CCNB3: variants seen among roughly 807,000 people sequenced by gnomAD.
CCNB3 encodes G2/mitotic-specific cyclin-B3.
In CCNB3, 12 loss-of-function variants were observed where a neutral mutation model predicts 68.0. That is an observed-to-expected ratio of 0.18 (90% confidence interval 0.11 to 0.29). The LOEUF (loss-of-function observed/expected upper bound fraction) is 0.29, where lower values mean the gene tolerates loss of function less well. Among genes scored for constraint, CCNB3 ranks in the 10% least tolerant of loss-of-function variants. The pLI is 1.00. For missense variants in CCNB3, 904 were observed against 993.1 expected (o/e 0.91, Z 1.21); for synonymous variants, 354 against 388.9 (o/e 0.91, Z 1.06).
chrX:50,292,576 G>A (rs948351097), intron 4 of CCNB3, among the ~76,000 whole-genome samples: 2 of 110,882 alleles, frequency 1.8e-5, no homozygotes, highest in Non-Finnish European at 3.8e-5. Flanking sequence ...TTTTTGTACT[G>A]TATCATTATT....
chrX:50,207,709 A>G (rs1307049491), intron 1 of CCNB3, among the ~76,000 whole-genome samples: 4 of 111,863 alleles, frequency 3.6e-5, no homozygotes, highest in Non-Finnish European at 7.5e-5. Context: ...GAACTGATAT[A>G]CTTTATTAGC....
intron 1 of CCNB3, among the ~76,000 whole-genome samples, chrX:50,280,334 T>C (rs1936114757): frequency 9.7e-6 from 1 of 103,528 alleles, no homozygotes; most frequent in Admixed American, 1.1e-4. Flanking sequence ...TAAATATACC[T>C]ATATTCTAGT....
intron 1 of CCNB3, among the ~76,000 whole-genome samples, chrX:50,214,475 C>CATAT (rs1184201216): frequency 0.12 from 1,178 of 9,432 alleles, 135 homozygotes; most frequent in Middle Eastern, 0.2. Context: ...AGCTGTGGCC[C>CATAT]ATATATATAT....
chrX:50,348,364 C>T (rs782447897), intron 11 of CCNB3, among the ~76,000 whole-genome samples: 13 of 112,009 alleles, frequency 1.2e-4, no homozygotes, highest in South Asian at 3.8e-4. Context: ...GATAATTTCG[C>T]ATTCTTACTA....
At chrX:50,204,755 G>C (rs1456628334), upstream of CCNB3, 1 of 109,019 alleles carries the variant, frequency 9.2e-6, no homozygotes, top group East Asian at 2.9e-4. Flanking sequence ...TTGTTCTGAG[G>C]TGCATTTCTG....
chrX:50,288,010 A>T (rs1936271852), intron 3 of CCNB3, among the ~76,000 whole-genome samples: 1 of 107,660 alleles, frequency 9.3e-6, no homozygotes, highest in Admixed American at 1.0e-4. Flanking sequence ...CCTTATGAGA[A>T]TCTAATGCCT....
At chrX:50,330,573 A>T (rs1922547340) in intron 8 of CCNB3, among the ~76,000 whole-genome samples, 1 of 112,119 alleles carries the variant, frequency 8.9e-6, no homozygotes, top group Admixed American at 9.4e-5. Context: ...CTTGTGCTGA[A>T]GCATTTTGGT....
At chrX:50,341,401 A>G (rs1401305871) in intron 8 of CCNB3, among the ~76,000 whole-genome samples, 1 of 109,339 alleles carries the variant, frequency 9.1e-6, no homozygotes, top group Non-Finnish European at 1.9e-5. Context: ...AAATAACTTT[A>G]CAAAGGTAGA....
intron 1 of CCNB3, among the ~76,000 whole-genome samples, chrX:50,225,768 C>T (rs931869551): frequency 1.9e-5 from 2 of 107,980 alleles, no homozygotes; most frequent in South Asian, 4.0e-4. Flanking sequence ...ACTGAGAAAA[C>T]GATCAGGTTT....
intron 3 of CCNB3, among the ~76,000 whole-genome samples, chrX:50,286,645 GTTGT>G (rs1218534550): frequency 1.6e-4 from 14 of 86,772 alleles, no homozygotes; most frequent in African/African-American, 2.2e-4. Context: ...TGTTGTTGTT[GTTGT>G]TTGTTTGTTT....
intron 1 of CCNB3, among the ~76,000 whole-genome samples, chrX:50,226,676 AT>A (rs1935829365): frequency 1.2e-5 from 1 of 81,712 alleles, no homozygotes; most frequent in South Asian, 5.3e-4. Flanking sequence ...TATATAGAAC[AT>A]ATCTATAAAT....
Position 50,294,935 on chromosome X carries a change from A to G in CCNB3, c.277A>G (p.Ile93Val). Residue 93 changes from isoleucine (I) to valine (V), a missense_variant, in exon 5 of 13, where the codon ATA becomes GTA. Coordinates refer to ENST00000376042, the MANE Select transcript of CCNB3 (RefSeq NM_033031.3). Reference protein sequence around the residue: ...KEFVKVVSKKINRNTHALGLA... With the variant: ...KEFVKVVSKKVNRNTHALGLA... ...GTTTGTAAAAGTTGTTTCCAAGAAG[A>G]TAAACAGGAACACACATGCTCTTGG... is the stretch of plus-strand genomic sequence containing the variant. 8.3e-7 allele frequency: 1 copy of G among 1,210,245 alleles called. No individual in the cohort carries two copies. The highest frequency in any genetic ancestry group is 1.1e-6 in the Non-Finnish European group (1 of 894,489).
At chrX:50,314,286 C>T (rs1921615705) in intron 8 of CCNB3, among the ~76,000 whole-genome samples, 1 of 110,991 alleles carries the variant, frequency 9.0e-6, no homozygotes, top group Admixed American at 9.6e-5. Context: ...GGACTGGGGT[C>T]GATGACAAAG....
At chrX:50,330,205 G>A (rs1922526434) in intron 8 of CCNB3, among the ~76,000 whole-genome samples, 1 of 111,858 alleles carries the variant, frequency 8.9e-6, no homozygotes, top group African/African-American at 3.3e-5. Context: ...GTGGGTACAT[G>A]ACTTGGGGCT....
intron 1 of CCNB3, among the ~76,000 whole-genome samples, chrX:50,219,694 T>A (rs1353715662): frequency 8.9e-6 from 1 of 111,794 alleles, no homozygotes; most frequent in Non-Finnish European, 1.9e-5. Flanking sequence ...TAGTTTGAAG[T>A]CAGGTAGCAT....
chrX:50,307,793 T>C (rs1251242187), intron 5 of CCNB3, among the ~76,000 whole-genome samples: 1 of 111,467 alleles, frequency 9.0e-6, no homozygotes, highest in Non-Finnish European at 1.9e-5. Flanking sequence ...CTAAATCATA[T>C]GATATCTGGT....
intron 1 of CCNB3, among the ~76,000 whole-genome samples, chrX:50,280,684 A>G (rs1385041176): frequency 9.1e-6 from 1 of 110,398 alleles, no homozygotes; most frequent in African/African-American, 3.3e-5. Context: ...TTAATGTTTT[A>G]ATAGGCCCGT....
intron 8 of CCNB3, among the ~76,000 whole-genome samples, chrX:50,322,558 A>C (rs1427727557): frequency 3.6e-5 from 4 of 111,697 alleles, no homozygotes; most frequent in African/African-American, 6.5e-5. Context: ...CAACAAAAGT[A>C]AAAATTGACA....
intron 4 of CCNB3, among the ~76,000 whole-genome samples, chrX:50,293,188 G>A (rs1245167326): frequency 9.0e-6 from 1 of 111,622 alleles, no homozygotes. Flanking sequence ...TCTGATGGTT[G>A]TTTGTATTTC....
Sources: allele counts gnomAD v4.1 joint callset (sites outside exome capture counted in the v4.1 genomes callset), GRCh38; gene constraint gnomAD v4.1.1; transcripts MANE v1.5; gene names NCBI Gene and HGNC (gene_info 2026-07-23, HGNC 2026-07-21).